The following TBL1X variants were observed in gnomAD, a reference collection of about 807,000 sequenced individuals.
The protein encoded by TBL1X is F-box-like/WD repeat-containing protein TBL1X.
In TBL1X, 10 loss-of-function variants were observed where a neutral mutation model predicts 50.7. The ratio of observed to expected loss-of-function variants is 0.20; its 90% CI spans 0.12 to 0.33. The LOEUF is 0.33. TBL1X is among the 10% of genes least tolerant of loss of function. TBL1X has a pLI of 1.00. For missense variants in TBL1X, 340 were observed against 504.4 expected (o/e 0.67, Z 3.12); for synonymous variants, 190 against 214.7 (o/e 0.88, Z 1.01).
intron 2 of TBL1X, among the ~76,000 whole-genome samples, chrX:9,634,299 G>A (rs973585172): frequency 3.6e-4 from 40 of 110,827 alleles, no homozygotes; most frequent in African/African-American, 1.2e-3. Flanking sequence ...CAGTGTGTCC[G>A]TTCCCTCTGT....
chrX:9,544,516 C>T (rs5979111), intron 2 of TBL1X, among the ~76,000 whole-genome samples: 40,357 of 109,722 alleles, frequency 0.37, 5,594 homozygotes, highest in East Asian at 0.54. Context: ...AGTGAACATT[C>T]ATTTCAATAT....
chrX:9,504,260 A>G (rs1392141551), intron 2 of TBL1X, among the ~76,000 whole-genome samples: 1 of 111,830 alleles, frequency 8.9e-6, no homozygotes, highest in Non-Finnish European at 1.9e-5. Context: ...ATCAACAACA[A>G]CAATCAAATA....
At chrX:9,494,412 A>G (rs1229379350) in intron 1 of TBL1X, among the ~76,000 whole-genome samples, 2 of 111,315 alleles carry the variant, frequency 1.8e-5, no homozygotes, top group African/African-American at 6.5e-5. Flanking sequence ...ACTTAGTCTA[A>G]ATGGAAGTAA....
chrX:9,534,995 A>G (rs2082180698), intron 2 of TBL1X: 1 of 111,916 alleles, frequency 8.9e-6, no homozygotes, highest in Admixed American at 9.5e-5. Context: ...GGTTCATGTT[A>G]AAGTGCTTAG....
intron 12 of TBL1X, among the ~76,000 whole-genome samples, chrX:9,700,799 C>T (rs2239413): frequency 0.19 from 21,050 of 110,724 alleles, 1,500 homozygotes; most frequent in East Asian, 0.39. Flanking sequence ...CTCAGAGCCT[C>T]GTGGTGGAGT....
At chrX:9,511,420 A>C (rs1336927298) in intron 2 of TBL1X, among the ~76,000 whole-genome samples, 1 of 112,157 alleles carries the variant, frequency 8.9e-6, no homozygotes, top group Non-Finnish European at 1.9e-5. Context: ...CAAGAAGTGG[A>C]AGCCATGTAA....
intron 2 of TBL1X, among the ~76,000 whole-genome samples, chrX:9,546,279 C>T (rs962948376): frequency 1.8e-5 from 2 of 111,797 alleles, no homozygotes; most frequent in Non-Finnish European, 3.8e-5. Flanking sequence ...TTTGGGAGGC[C>T]GAGGCGGGCG....
At chrX:9,541,970 T>C (rs1249137586) in intron 2 of TBL1X, among the ~76,000 whole-genome samples, 1 of 108,244 alleles carries the variant, frequency 9.2e-6, no homozygotes, top group African/African-American at 3.4e-5. Flanking sequence ...CAAAAATCTG[T>C]ATATTCATAG....
intron 2 of TBL1X, among the ~76,000 whole-genome samples, chrX:9,631,332 G>A (rs747318680): frequency 6.3e-5 from 7 of 111,518 alleles, no homozygotes; most frequent in South Asian, 3.7e-4. Context: ...TCTGCTGTTC[G>A]TGTCTCAGCC....
chrX:9,538,267 C>T (rs1276793849), intron 2 of TBL1X, among the ~76,000 whole-genome samples: 1 of 111,512 alleles, frequency 9.0e-6, no homozygotes, highest in Non-Finnish European at 1.9e-5. Flanking sequence ...CCATGCTGCT[C>T]CCCATTTTAG....
At chrX:9,522,013 CTTTTTTT>C (rs138830348) in intron 2 of TBL1X, among the ~76,000 whole-genome samples, 52 of 88,103 alleles carry the variant, frequency 5.9e-4, no homozygotes, top group African/African-American at 1.1e-3. Context: ...TTCTTCGTTT[CTTTTTTT>C]TTTTTTTTTT....
At chrX:9,491,582 T>C (rs996894631) in intron 1 of TBL1X, among the ~76,000 whole-genome samples, 1 of 109,293 alleles carries the variant, frequency 9.1e-6, no homozygotes, top group Non-Finnish European at 1.9e-5. Flanking sequence ...CAGCATACGA[T>C]AATGATCAGT....
intron 1 of TBL1X, among the ~76,000 whole-genome samples, chrX:9,497,499 C>T (rs979512558): frequency 9.2e-6 from 1 of 108,244 alleles, no homozygotes; most frequent in Non-Finnish European, 1.9e-5. Context: ...ATAACAAATA[C>T]GGTGGTGTCA....
chrX:9,611,437 G>C (rs986055685), intron 2 of TBL1X, among the ~76,000 whole-genome samples: 1 of 112,055 alleles, frequency 8.9e-6, no homozygotes, highest in African/African-American at 3.2e-5. Context: ...GCTAAAACAA[G>C]GGCAGTCGAG....
intron 5 of TBL1X, 56 bp from the exon 6 acceptor site, chrX:9,683,987 A>AC (rs757544718): frequency 1.7e-6 from 2 of 1,205,426 alleles, no homozygotes; most frequent in East Asian, 5.9e-5. Context: ...CAATGGCTGC[A>AC]CCTCCCTCCT....
chrX:9,681,307 T>C (rs1302556549), intron 5 of TBL1X, among the ~76,000 whole-genome samples: 1 of 111,556 alleles, frequency 9.0e-6, no homozygotes, highest in Non-Finnish European at 1.9e-5. Flanking sequence ...TGCTTGTGGG[T>C]GGGTCTTGGA....
chrX:9,628,491 A>C lies in TBL1X; in HGVS notation c.-130-11782A>C, dbSNP rs371877988. Among the ~76,000 whole-genome samples the C allele has an allele frequency of 2.7e-5, 3 of 112,278 alleles. No homozygotes were observed. The East Asian group carries it at 8.3e-4, about 31-fold the overall frequency. Reference sequence around the variant, plus strand: ...ATGTCATTTCCAAACTGACAAGGCTAGTCTGTACAGCTTCACATATTGAAG... The same window carrying C: ...ATGTCATTTCCAAACTGACAAGGCTCGTCTGTACAGCTTCACATATTGAAG... On this transcript the variant is annotated intron_variant, in intron 2 of 17. Transcript: ENST00000645353.
At position 9,627,278 on chromosome X, in the gene TBL1X, G is replaced by C. The variant is rs746324935; in HGVS notation, c.-130-12995G>C. On this transcript the variant is annotated intron_variant, in intron 2 of 17. Transcript: ENST00000645353. ...ATGACCCACCTACTTGGTCTTCATG[G>C]AGCTCGGTCTCCTCATCTATAAATA... Among the ~76,000 whole-genome samples the C allele has an allele frequency of 7.2e-5, 8 of 111,821 alleles. No individual in the cohort carries two copies. In the South Asian group the frequency reaches 3.0e-3, roughly 42 times the overall value.
intron 17 of TBL1X, among the ~76,000 whole-genome samples, 189 bp from the exon 18 acceptor site, chrX:9,716,031 C>A (rs2083276295): frequency 8.9e-6 from 1 of 112,213 alleles, no homozygotes; most frequent in South Asian, 3.7e-4. Context: ...TTTGCTCGGT[C>A]CGATGTCCAG....
Sources: allele counts gnomAD v4.1 joint callset (sites outside exome capture counted in the v4.1 genomes callset), GRCh38; gene constraint gnomAD v4.1.1; transcripts MANE v1.5; gene names NCBI Gene and HGNC (gene_info 2026-07-23, HGNC 2026-07-21).